Variants in BRINP3 observed in about 807,000 individuals in gnomAD.
BRINP3 encodes BMP/retinoic acid inducible neural specific 3.
BRINP3 carries 19 observed loss-of-function variants against 71.0 expected under a neutral mutation model. The ratio of observed to expected loss-of-function variants is 0.27; its 90% CI spans 0.19 to 0.39. The LOEUF (loss-of-function observed/expected upper bound fraction) is 0.39. BRINP3 is among the 10% of genes least tolerant of loss of function. The pLI, the probability that BRINP3 is intolerant of heterozygous loss-of-function variation, is 1.00. For synonymous variants in BRINP3, 380 were observed against 337.7 expected (o/e 1.13, Z -1.37); for missense variants, 959 against 940.8 (o/e 1.02, Z -0.25).
chr1:190,302,144 C>A (rs1246997362), intron 2 of BRINP3, among the ~76,000 whole-genome samples: 1 of 150,758 alleles, frequency 6.6e-6, no homozygotes, highest in East Asian at 1.9e-4. Flanking sequence ...TTATTGAAAG[C>A]AAATGACACA....
chr1:190,356,999 T>C (rs1029581432), intron 2 of BRINP3, among the ~76,000 whole-genome samples: 1 of 151,212 alleles, frequency 6.6e-6, no homozygotes, highest in Admixed American at 6.6e-5. Flanking sequence ...TGACAAATGC[T>C]TTCACAGACA....
chr1:190,394,022 CAACTT>C (rs1327828640), intron 2 of BRINP3, among the ~76,000 whole-genome samples: 10 of 151,470 alleles, frequency 6.6e-5, no homozygotes, highest in Non-Finnish European at 7.4e-5. Flanking sequence ...ATTTTATACT[CAACTT>C]TAATCCATAG....
intron 2 of BRINP3, among the ~76,000 whole-genome samples, chr1:190,346,022 TA>T (rs1350910748): frequency 6.6e-6 from 1 of 151,844 alleles, no homozygotes; most frequent in Non-Finnish European, 1.5e-5. Flanking sequence ...AAATGGAAAA[TA>T]GTGACATTTT....
chr1:190,344,949 A>G (rs1234745379), intron 2 of BRINP3, among the ~76,000 whole-genome samples: 1 of 151,940 alleles, frequency 6.6e-6, no homozygotes, highest in South Asian at 2.1e-4. Flanking sequence ...TGTGAGAACT[A>G]TATAATTGGC....
At chr1:190,240,757 AGC>A (rs1219114324) in intron 4 of BRINP3, among the ~76,000 whole-genome samples, 1 of 151,338 alleles carries the variant, frequency 6.6e-6, no homozygotes, top group Non-Finnish European at 1.5e-5. Context: ...CTGTAATCCC[AGC>A]TACTCTGGAG....
chr1:190,378,751 A>T (rs1467142534), intron 2 of BRINP3, among the ~76,000 whole-genome samples: 1 of 152,152 alleles, frequency 6.6e-6, no homozygotes, highest in African/African-American at 2.4e-5. Context: ...GAACCAGAAT[A>T]ATGGTCCCCT....
At chr1:190,452,387 T>C (rs1012144889) in intron 2 of BRINP3, among the ~76,000 whole-genome samples, 1 of 152,168 alleles carries the variant, frequency 6.6e-6, no homozygotes, top group Non-Finnish European at 1.5e-5. Context: ...GCCACAAAGG[T>C]AAAGACATAG....
chr1:190,253,168 A>G (rs1660307316), intron 4 of BRINP3, among the ~76,000 whole-genome samples: 1 of 152,228 alleles, frequency 6.6e-6, no homozygotes, highest in South Asian at 2.1e-4. Context: ...TTCTTAATCC[A>G]GTCTATCATT....
At chr1:190,325,887 A>G (rs2103064472) in intron 2 of BRINP3, among the ~76,000 whole-genome samples, 1 of 152,254 alleles carries the variant, frequency 6.6e-6, no homozygotes, top group African/African-American at 2.4e-5. Flanking sequence ...TTACATTAAT[A>G]TGTTAAAAAC....
chr1:190,161,082 T>C (rs1470005426), intron 6 of BRINP3, among the ~76,000 whole-genome samples, 192 bp from the exon 7 acceptor site: 4 of 152,238 alleles, frequency 2.6e-5, no homozygotes, highest in Admixed American at 6.5e-5. Flanking sequence ...AGAATTATCT[T>C]CTTTGCTGTT....
At chr1:190,452,067 C>A (rs1675644942) in intron 2 of BRINP3, among the ~76,000 whole-genome samples, 1 of 152,062 alleles carries the variant, frequency 6.6e-6, no homozygotes, top group Non-Finnish European at 1.5e-5. Context: ...TTTAAAATGA[C>A]AAATCAAATA....
chr1:190,277,498 AT>A (rs1662686569), intron 3 of BRINP3, among the ~76,000 whole-genome samples: 1 of 151,648 alleles, frequency 6.6e-6, no homozygotes. Flanking sequence ...CATTTAATAC[AT>A]TTTTAATGAA....
At chr1:190,394,726 C>T (rs1671461638) in intron 2 of BRINP3, among the ~76,000 whole-genome samples, 1 of 151,462 alleles carries the variant, frequency 6.6e-6, no homozygotes, top group African/African-American at 2.4e-5. Context: ...ACTGTTAATG[C>T]TTACCATTTC....
chr1:190,157,485 T>G (rs950282711), intron 7 of BRINP3, among the ~76,000 whole-genome samples: 2 of 152,068 alleles, frequency 1.3e-5, no homozygotes, highest in African/African-American at 2.4e-5. Context: ...CAGCTCTAGA[T>G]GTACTAGTTA....
intron 3 of BRINP3, among the ~76,000 whole-genome samples, chr1:190,275,804 A>G (rs574359692): frequency 6.6e-6 from 1 of 151,708 alleles, no homozygotes; most frequent in Admixed American, 6.6e-5. Flanking sequence ...AATTTTAATT[A>G]CATTTTGCTC....
intron 6 of BRINP3, among the ~76,000 whole-genome samples, chr1:190,203,385 A>G (rs1655176529): frequency 6.6e-6 from 1 of 151,374 alleles, no homozygotes; most frequent in South Asian, 2.1e-4. Context: ...GCACATTGCA[A>G]AAGTACTTAT....
intron 3 of BRINP3, 28 bp from the exon 4 acceptor site, chr1:190,265,083 A>C (rs1661537629): frequency 1.3e-6 from 2 of 1,563,620 alleles, no homozygotes; most frequent in Admixed American, 4.2e-5. Context: ...CAAATTATTC[A>C]ATTTTCCACT....
intron 2 of BRINP3, among the ~76,000 whole-genome samples, chr1:190,289,290 G>T (rs1663674065): frequency 6.6e-6 from 1 of 151,824 alleles, no homozygotes; most frequent in Non-Finnish European, 1.5e-5. Flanking sequence ...GTCTTAAAAT[G>T]TCTTAAAGGG....
intron 6 of BRINP3, among the ~76,000 whole-genome samples, chr1:190,207,199 C>T (rs978841425): frequency 4.6e-5 from 7 of 152,096 alleles, no homozygotes; most frequent in South Asian, 2.1e-4. Context: ...ACAAGCTTAC[C>T]GCTAAATTGT....
Sources: gnomAD v4.1 joint callset for allele counts (sites outside exome capture counted in the v4.1 genomes callset) on GRCh38, gnomAD v4.1.1 for gene constraint, MANE v1.5 for transcripts, NCBI Gene and HGNC (gene_info 2026-07-23, HGNC 2026-07-21) for gene names.